The following GRIN3A variants were observed in gnomAD, a reference collection of about 807,000 sequenced individuals.
GRIN3A encodes the protein glutamate receptor ionotropic, NMDA 3A.
In GRIN3A, 47 loss-of-function variants were observed where a neutral mutation model predicts 92.4. That is an observed-to-expected ratio of 0.51 (90% CI 0.40 to 0.65). The LOEUF is 0.65. GRIN3A is among the 30% of genes least tolerant of loss of function. GRIN3A has a pLI of 0.00. For missense variants in GRIN3A, 1,324 were observed against 1,393.1 expected, an observed-to-expected ratio of 0.95 and a Z score of 0.79; for synonymous variants, 527 against 540.6, an observed-to-expected ratio of 0.97 and a Z score of 0.35.
Position 101,670,208 on chromosome 9 carries a change from T to C in GRIN3A, c.2204A>G (p.Lys735Arg). ...ALLFGRTVAI[K>R]PPKCWTGRFL... The stretch of plus-strand genomic sequence containing the variant: ...CCTTCCAGTCCAACATTTTGGAGGT[T>C]TGATGGCCACTGTTCTGCCAAACAA... The change falls in exon 3 of 9, where the codon AAA (lysine) becomes AGA (arginine). Residue 735 changes from lysine to arginine, a missense_variant. Transcript: ENST00000361820. 5 of 1,613,980 alleles carry C rather than the reference T, an allele frequency of 3.1e-6. No homozygotes were observed. Among genetic ancestry groups the C allele is most frequent in the Non-Finnish European group, 4.2e-6 (5 of 1,179,914 alleles).
chr9:101,640,380 T>C (rs1242433429), intron 3 of GRIN3A, among the ~76,000 whole-genome samples: 1 of 152,220 alleles, frequency 6.6e-6, no homozygotes, highest in South Asian at 2.1e-4. Context: ...CTTCTTTCTT[T>C]GCAAATTTGA....
At chr9:101,628,845 T>C (rs1200134660) in intron 3 of GRIN3A, among the ~76,000 whole-genome samples, 1 of 150,474 alleles carries the variant, frequency 6.6e-6, no homozygotes, top group Non-Finnish European at 1.5e-5. Context: ...TGTGACTACA[T>C]CACTTTTGTG....
intron 3 of GRIN3A, among the ~76,000 whole-genome samples, chr9:101,638,299 T>G (rs1465702415): frequency 6.6e-6 from 1 of 152,250 alleles, no homozygotes; most frequent in Non-Finnish European, 1.5e-5. Context: ...ATTGCTATTC[T>G]GCTGCAAAGG....
At chr9:101,659,710 T>G (rs1829146488) in intron 3 of GRIN3A, among the ~76,000 whole-genome samples, 1 of 151,808 alleles carries the variant, frequency 6.6e-6, no homozygotes. Context: ...ATTTGACATA[T>G]TCTCTGTTTG....
At chr9:101,697,380 A>G (rs753214267) in intron 1 of GRIN3A, among the ~76,000 whole-genome samples, 2 of 152,324 alleles carry the variant, frequency 1.3e-5, no homozygotes, top group East Asian at 1.9e-4. Flanking sequence ...CACAGAGGCA[A>G]TACTTTCCCA....
intron 3 of GRIN3A, among the ~76,000 whole-genome samples, chr9:101,642,788 C>A (rs1198209783): frequency 2.0e-5 from 3 of 152,048 alleles, no homozygotes; most frequent in Non-Finnish European, 2.9e-5. Flanking sequence ...GTGAACCCCA[C>A]GTGCGAGGGA....
chr9:101,721,155 C>A (rs1412256405), intron 1 of GRIN3A, among the ~76,000 whole-genome samples: 1 of 152,000 alleles, frequency 6.6e-6, no homozygotes, highest in Admixed American at 6.6e-5. Flanking sequence ...TGGGAGGGAC[C>A]CAGAGGGAGG....
rs201880306 is a variant in GRIN3A, at chr9:101,670,993, C to T, written c.1419G>A (p.Met473Ile). ...FFIWNLQHDP[M>I]GKPMWTRLGS... ...CCAAGCGGGTCCACATTGGCTTTCC[C>T]ATGGGGTCATGTTGAAGATTCCAGA... Residue 473 changes from methionine to isoleucine, a missense_variant, in exon 3 of 9, where the codon ATG becomes ATA. Physicochemically the swap from Met to Ile is conservative, Grantham distance 10. Transcript: ENST00000361820. The T allele has an allele frequency of 9.1e-5, 147 of 1,613,862 alleles. No homozygotes were observed. Among genetic ancestry groups the T allele is most frequent in the Middle Eastern group, 1.6e-4 (1 of 6,080 alleles).
At chr9:101,594,511 G>T (rs1397136728) in intron 6 of GRIN3A, 1 of 1,614,188 alleles carries the variant, frequency 6.2e-7, no homozygotes. Context: ...CCAGGATGAT[G>T]ATGGTTTTGT....
intron 8 of GRIN3A, among the ~76,000 whole-genome samples, chr9:101,576,652 G>T (rs1261334632): frequency 6.6e-6 from 1 of 152,010 alleles, no homozygotes; most frequent in Non-Finnish European, 1.5e-5. Context: ...GTTAAAAATA[G>T]AAAAAATAGA....
At chr9:101,715,359 A>C (rs772134458) in intron 1 of GRIN3A, among the ~76,000 whole-genome samples, 3 of 152,186 alleles carry the variant, frequency 2.0e-5, no homozygotes, top group Non-Finnish European at 4.4e-5. Context: ...TCTAAATAGA[A>C]ATTCTCCATG....
At chr9:101,584,418 T>G (rs1470616687) in intron 6 of GRIN3A, among the ~76,000 whole-genome samples, 2 of 152,270 alleles carry the variant, frequency 1.3e-5, no homozygotes, top group Admixed American at 1.3e-4. Context: ...TACTGTACTC[T>G]GCATGTTGCA....
rs769789406 is a variant in GRIN3A at position 101,670,152 on chromosome 9, T to C, written c.2260A>G (p.Met754Val). Reference protein sequence around the residue: ...FLMNLWAIFCMFCLSTYTANL... With the variant: ...FLMNLWAIFCVFCLSTYTANL... ...GCCGTGTATGTGGAAAGGCAAAACA[T>C]ACAGAAAATGGCCCAAAGGTTCATT... The change falls in exon 3 of 9, where the codon ATG becomes GTG. Residue 754 changes from methionine (M) to valine (V), a missense_variant. By Grantham distance (21) the Met-to-Val change is conservative. Transcript: ENST00000361820. 6.2e-7 allele frequency: 1 copy of C among 1,613,704 alleles called. No individual in the cohort carries two copies. The highest frequency in any genetic ancestry group is 8.5e-7 in the Non-Finnish European group (1 of 1,179,738).
rs1409276869 is a variant in GRIN3A at position 101,628,372 on chromosome 9, A to G, written c.2382T>C (p.Phe794=). ...KLHHPSQGFR[F]GTVRESSAED... ...CAGCACTGCTTTCTCGGACAGTTCC[A>G]AAGCGGAATCCTTGGGAAGGATGAT... Residue 794 remains phenylalanine (F), a synonymous_variant, in exon 4 of 9, where the codon TTT becomes TTC. Coordinates refer to ENST00000361820, the MANE Select transcript of GRIN3A (RefSeq NM_133445.3). The G allele has an allele frequency of 1.2e-6, 2 of 1,613,812 alleles. No homozygotes were observed. The highest frequency in any genetic ancestry group is 2.2e-5 in the East Asian group (1 of 44,886).
intron 1 of GRIN3A, among the ~76,000 whole-genome samples, chr9:101,736,834 A>G (rs894712011): frequency 6.6e-6 from 1 of 152,098 alleles, no homozygotes; most frequent in African/African-American, 2.4e-5. Flanking sequence ...TGCTTTTCCG[A>G]CACATGCTGT....
Position 101,693,737 on chromosome 9 carries a change from C to T in GRIN3A, c.700-6537G>A, listed in dbSNP as rs189122435. 1.5e-4 allele frequency among the ~76,000 whole-genome samples: 23 copies of T among 152,216 alleles called. 1 individual carries two copies. In the East Asian group the frequency reaches 3.9e-3, roughly 26 times the overall value. ...CCCAGCTGTTTTCTTCGCTCATCCT[C>T]CCATATGTAGCAATTCTTGTGAAAT... On this transcript the variant is annotated intron_variant, in intron 1 of 8. Transcript: ENST00000361820.
chr9:101,734,521 A>G (rs1830177773), intron 1 of GRIN3A, among the ~76,000 whole-genome samples: 1 of 152,028 alleles, frequency 6.6e-6, no homozygotes, highest in African/African-American at 2.4e-5. Flanking sequence ...CCTACTTGAA[A>G]GAAGCTGATC....
intron 2 of GRIN3A, among the ~76,000 whole-genome samples, chr9:101,684,559 A>G (rs890321086): frequency 1.3e-5 from 2 of 152,178 alleles, no homozygotes; most frequent in African/African-American, 4.8e-5. Flanking sequence ...GAATGGGCCA[A>G]GTACCACTAT....
At chr9:101,729,010 C>T (rs764687268) in intron 1 of GRIN3A, among the ~76,000 whole-genome samples, 4 of 152,166 alleles carry the variant, frequency 2.6e-5, no homozygotes, top group Admixed American at 6.5e-5. Context: ...CTTGAATCCA[C>T]GTCCAGGTAG....
Sources: gnomAD v4.1 joint callset for allele counts (sites outside exome capture counted in the v4.1 genomes callset) on GRCh38, gnomAD v4.1.1 for gene constraint, MANE v1.5 for transcripts, NCBI Gene and HGNC (gene_info 2026-07-23, HGNC 2026-07-21) for gene names.